Variants in SYT9 observed in about 807,000 individuals in gnomAD.
SYT9 encodes the protein synaptotagmin-9.
In SYT9, 22 loss-of-function variants were observed where a neutral mutation model predicts 48.4. The observed-to-expected ratio is 0.45, with a 90% confidence interval of 0.32 to 0.65. The LOEUF is 0.65. SYT9 is among the 30% of genes least tolerant of loss of function. The pLI is 0.03. For missense variants in SYT9, 577 were observed against 622.0 expected (o/e 0.93, Z 0.77); for synonymous variants, 265 against 245.0 (o/e 1.08, Z -0.76).
Position 7,359,182 on chromosome 11 carries a change from A to T in SYT9, c.1044+45241A>T, listed in dbSNP as rs1270657803. ...ATGTCCCTACAAAGGACATGAACTCATCATTTTTTATGGCTGCATAGTATT... is the reference window on the plus strand; with the variant it reads ...ATGTCCCTACAAAGGACATGAACTCTTCATTTTTTATGGCTGCATAGTATT... On this transcript the variant is annotated intron_variant, in intron 3 of 6. Coordinates refer to ENST00000318881, the MANE Select transcript of SYT9 (RefSeq NM_175733.4). Among the ~76,000 whole-genome samples the T allele has an allele frequency of 2.3e-5, 3 of 128,634 alleles. 1 individual carries two copies. In the South Asian group the frequency reaches 9.2e-4, roughly 40 times the overall value. 84.4% of individuals were successfully genotyped at this position (128,634 alleles called of 152,430 possible).
rs954796343 is a variant in SYT9, at chr11:7,303,315, A to C, written c.422A>C (p.Gln141Pro). The change falls in exon 2 of 7, where the codon CAG becomes CCG. Residue 141 changes from glutamine (Q) to proline (P), a missense_variant. Transcript: ENST00000318881. Reference sequence around the variant, plus strand: ...TCCCCTGACATTCCCCTCTCCACCCAGACGGGGATCCAGGAGAACTGTGCC... The same window carrying C: ...TCCCCTGACATTCCCCTCTCCACCCCGACGGGGATCCAGGAGAACTGTGCC... ...HTSPDIPLST[Q>P]TGIQENCAHG... The C allele has an allele frequency of 1.9e-6, 3 of 1,613,834 alleles. No individual in the cohort carries two copies. In the African/African-American group the frequency reaches 4.0e-5, roughly 22 times the overall value.
chr11:7,252,039 C>A lies in SYT9; in HGVS notation c.-148C>A, dbSNP rs1195149809. On this transcript the variant is annotated 5_prime_UTR_variant, in exon 1 of 7. In the 5' UTR this introduces an upstream ATG that the reference lacks. Coordinates refer to ENST00000318881, the MANE Select transcript of SYT9 (RefSeq NM_175733.4). This position sits in a 1 kb window ranked among gnomAD's most constrained non-coding sequence, Gnocchi z 6.3. ...CGGTGGGAGGCCGGGCCGGCTGGGT[C>A]TGGGGCTCGGGCTCAGGCTCGCACC... The A allele has an allele frequency of 3.1e-6, 3 of 967,848 alleles. No homozygotes were observed. The highest frequency in any genetic ancestry group is 4.1e-6 in the Non-Finnish European group (3 of 724,112). 60.0% of individuals were successfully genotyped at this position (967,848 alleles called of 1,614,324 possible).
At chr11:7,328,168 C>T (rs1375581590) in intron 3 of SYT9, among the ~76,000 whole-genome samples, 1 of 151,536 alleles carries the variant, frequency 6.6e-6, no homozygotes, top group African/African-American at 2.4e-5. Context: ...AAATTTCCTA[C>T]ATCCTTATAT....
At chr11:7,436,368 C>A (rs1322069807) in intron 6 of SYT9, among the ~76,000 whole-genome samples, 1 of 152,090 alleles carries the variant, frequency 6.6e-6, no homozygotes, top group Non-Finnish European at 1.5e-5. Context: ...AATTTGGTGG[C>A]CTTGGAGGGA....
At chr11:7,313,072 T>G (rs1186989061) in intron 2 of SYT9, among the ~76,000 whole-genome samples, 1 of 152,214 alleles carries the variant, frequency 6.6e-6, no homozygotes, top group Non-Finnish European at 1.5e-5. Flanking sequence ...TTTGTACAAA[T>G]CTTTACATTC....
chr11:7,318,515 T>A (rs1375933741), intron 3 of SYT9, among the ~76,000 whole-genome samples: 1 of 152,136 alleles, frequency 6.6e-6, no homozygotes, highest in African/African-American at 2.4e-5. Flanking sequence ...GGTTTCACCA[T>A]GTTGGCCAGG....
At chr11:7,300,221 C>T (rs1476786543) in intron 1 of SYT9, among the ~76,000 whole-genome samples, 1 of 151,910 alleles carries the variant, frequency 6.6e-6, no homozygotes, top group Non-Finnish European at 1.5e-5. Context: ...TGTAGCTTTG[C>T]CCCAGGTTGT....
chr11:7,313,691 T>G lies in SYT9; in HGVS notation c.794T>G (p.Leu265Arg). 3.1e-6 allele frequency: 5 copies of G among 1,614,208 alleles called. No homozygotes were observed. In the South Asian group the frequency reaches 5.5e-5, roughly 18 times the overall value. Reference protein sequence around the residue: ...TSDPYVKIYLLPDRKTKHQTK... With the variant: ...TSDPYVKIYLRPDRKTKHQTK... ...GATCCTTATGTCAAGATCTATTTGCTTCCTGATCGGAAAACAAAACACCAG... is the reference window on the plus strand; with the variant it reads ...GATCCTTATGTCAAGATCTATTTGCGTCCTGATCGGAAAACAAAACACCAG... The change falls in exon 3 of 7, where the codon CTT becomes CGT. Residue 265 changes from leucine to arginine, a missense_variant. Leu to Arg is a moderately radical substitution (Grantham distance 102). Transcript: ENST00000318881.
At chr11:7,264,659 C>G (rs1241192562) in intron 1 of SYT9, among the ~76,000 whole-genome samples, 4 of 151,928 alleles carry the variant, frequency 2.6e-5, no homozygotes, top group Non-Finnish European at 5.9e-5. Context: ...AATCAAGATT[C>G]TGGAGGAGCT....
At chr11:7,251,133 C>CACACACACACA (rs1589885491), upstream of SYT9, among the ~76,000 whole-genome samples, 7 of 132,270 alleles carry the variant, frequency 5.3e-5, no homozygotes, top group East Asian at 6.4e-4. Context: ...CACACACACA[C>CACACACACACA]CCAGAGTACT....
At chr11:7,442,393 G>A (rs867647409) in intron 6 of SYT9, among the ~76,000 whole-genome samples, 4 of 152,110 alleles carry the variant, frequency 2.6e-5, no homozygotes, top group Admixed American at 1.3e-4. Flanking sequence ...CCCGTCTTTC[G>A]GAACACTTGT....
intron 3 of SYT9, among the ~76,000 whole-genome samples, chr11:7,381,317 A>G (rs763410204): frequency 5.9e-5 from 9 of 152,246 alleles, no homozygotes; most frequent in Non-Finnish European, 1.2e-4. Flanking sequence ...ATTGGGACAC[A>G]ATGATTTTTA....
At position 7,466,804 on chromosome 11, in the gene SYT9, T is replaced by C. The variant is rs750780940; in HGVS notation, c.*4T>C. ...TTTCTTCCTGCAGAAACGATGACCA[T>C]GGGTAAGAGGACTGCTTGTGCCAAG... On this transcript the variant is annotated 3_prime_UTR_variant, in exon 7 of 7. Coordinates refer to ENST00000318881, the MANE Select transcript of SYT9 (RefSeq NM_175733.4). 2 of 1,612,560 alleles carry C rather than the reference T, an allele frequency of 1.2e-6. No homozygotes were observed. Among genetic ancestry groups the C allele is most frequent in the East Asian group, 4.5e-5 (2 of 44,838 alleles).
chr11:7,240,962 A>T (rs1391222476), intron 1 of SYT9, among the ~76,000 whole-genome samples: 2 of 152,136 alleles, frequency 1.3e-5, no homozygotes, highest in Non-Finnish European at 2.9e-5. Context: ...GCAAAATAAG[A>T]CCTCACCTTG....
chr11:7,303,599 G>A (rs1465690264), intron 2 of SYT9, among the ~76,000 whole-genome samples: 2 of 152,152 alleles, frequency 1.3e-5, no homozygotes, highest in African/African-American at 4.8e-5. Context: ...CATTAAGACA[G>A]CATGTGTGAA....
At chr11:7,361,523 A>G (rs755100701) in intron 3 of SYT9, among the ~76,000 whole-genome samples, 7 of 152,150 alleles carry the variant, frequency 4.6e-5, no homozygotes, top group South Asian at 2.1e-4. Flanking sequence ...TCATGGTTCC[A>G]TATGTGTTCC....
At chr11:7,410,345 T>G (rs567386718) in intron 3 of SYT9, among the ~76,000 whole-genome samples, 2 of 152,368 alleles carry the variant, frequency 1.3e-5, no homozygotes, top group South Asian at 2.1e-4. Flanking sequence ...AAGTGTGTGT[T>G]AGTTCCACTT....
intron 2 of SYT9, among the ~76,000 whole-genome samples, chr11:7,307,426 C>T (rs552157040): frequency 6.3e-4 from 96 of 152,288 alleles, no homozygotes; most frequent in African/African-American, 2.2e-3. Context: ...TCAACTTCCA[C>T]GAGACCCCGA....
chr11:7,323,418 CTTCT>C (rs1020012691), intron 3 of SYT9, among the ~76,000 whole-genome samples: 2 of 151,960 alleles, frequency 1.3e-5, no homozygotes, highest in African/African-American at 2.4e-5. Flanking sequence ...AATTTTGTTT[CTTCT>C]TTCTTTTTTA....
Sources: allele counts gnomAD v4.1 joint callset (sites outside exome capture counted in the v4.1 genomes callset), GRCh38; gene constraint gnomAD v4.1.1; non-coding constraint Gnocchi (gnomAD v3.1); transcripts MANE v1.5; gene names NCBI Gene and HGNC (gene_info 2026-07-23, HGNC 2026-07-21).